The following TPST2 variants were observed in gnomAD, a reference collection of about 807,000 sequenced individuals.
The protein encoded by TPST2 is protein-tyrosine sulfotransferase 2.
Under a neutral mutation model 27.8 loss-of-function variants are expected in TPST2, and 16 were observed. The ratio of observed to expected loss-of-function variants is 0.58; its 90% confidence interval spans 0.39 to 0.88. The LOEUF is 0.88. Ranked by LOEUF, TPST2 falls within the 40% of genes least tolerant of loss-of-function variation. TPST2 has a pLI of 0.00. For missense variants in TPST2, 464 were observed against 543.1 expected (o/e 0.85, Z 1.45); for synonymous variants, 229 against 231.7 (o/e 0.99, Z 0.10).
chr22:26,574,207 CT>C (rs2057267578), intron 1 of TPST2, among the ~76,000 whole-genome samples: 1 of 152,172 alleles, frequency 6.6e-6, no homozygotes, highest in South Asian at 2.1e-4. Context: ...GTTTCCTTAT[CT>C]GTAAAATGGG....
At chr22:26,543,878 A>G (rs1925987561) in intron 2 of TPST2, among the ~76,000 whole-genome samples, 1 of 152,196 alleles carries the variant, frequency 6.6e-6, no homozygotes, top group African/African-American at 2.4e-5. Flanking sequence ...GCAGCCTGGA[A>G]CCCACAAAGC....
chr22:26,524,561 A>G lies in TPST2; in HGVS notation c.*1714T>C, dbSNP rs897207707. ...AAGTTTTAACTTCCCCATTTTACAG[A>G]TGAAGAGACAAAGTCTCAAGCCATA... is the stretch of plus-strand genomic sequence containing the variant. On this transcript the variant is annotated 3_prime_UTR_variant, in exon 7 of 7. Coordinates refer to ENST00000338754, the MANE Select transcript of TPST2 (RefSeq NM_003595.5). 1 of 152,232 alleles carries G rather than the reference A, an allele frequency of 6.6e-6. No homozygotes were observed. The highest frequency in any genetic ancestry group is 1.5e-5 in the Non-Finnish European group (1 of 68,074). The allele number at this position is 152,232 out of a possible 1,614,324, so 9.4% of individuals were successfully genotyped here.
intron 1 of TPST2, among the ~76,000 whole-genome samples, chr22:26,546,964 G>A (rs1217964357): frequency 6.6e-6 from 1 of 152,208 alleles, no homozygotes; most frequent in African/African-American, 2.4e-5. Context: ...TTTACTATCT[G>A]GACATTTATA....
Position 26,552,510 on chromosome 22 carries a change from TC to T in TPST2, c.-160-7836del, listed in dbSNP as rs1252243517. ...ATCTGATGCCAGAACCCAAACTGTTTCCCCAACTTTCGACGACCCTGCTTTA... is the reference window on the plus strand; with the variant it reads ...ATCTGATGCCAGAACCCAAACTGTTTCCCAACTTTCGACGACCCTGCTTTA... On this transcript the variant is annotated intron_variant, in intron 1 of 6. Transcript: ENST00000338754. Among the ~76,000 whole-genome samples the T allele has an allele frequency of 2.6e-5, 4 of 152,152 alleles. No individual in the cohort carries two copies. In the East Asian group the frequency reaches 7.7e-4, roughly 29 times the overall value.
At chr22:26,588,579 T>G (rs184139081) in intron 1 of TPST2, among the ~76,000 whole-genome samples, 3 of 152,172 alleles carry the variant, frequency 2.0e-5, no homozygotes, top group African/African-American at 7.2e-5. Flanking sequence ...AAAGTTTGCA[T>G]GAGATTTTTA....
chr22:26,578,214 A>G (rs1227121270), intron 1 of TPST2, among the ~76,000 whole-genome samples: 1 of 152,144 alleles, frequency 6.6e-6, no homozygotes, highest in Non-Finnish European at 1.5e-5. Context: ...ATTCCATTTT[A>G]CAGCTGAGGA....
intron 1 of TPST2, among the ~76,000 whole-genome samples, chr22:26,575,518 C>T (rs1301778051): frequency 3.3e-5 from 5 of 152,208 alleles, no homozygotes; most frequent in Non-Finnish European, 7.3e-5. Flanking sequence ...TATACCTCCC[C>T]TTGTGTCCAT....
intron 1 of TPST2, among the ~76,000 whole-genome samples, chr22:26,571,884 A>G (rs1466126326): frequency 1.3e-5 from 2 of 152,028 alleles, no homozygotes; most frequent in African/African-American, 4.8e-5. Flanking sequence ...GTTTCTCTCC[A>G]TCACCAGCAG....
intron 1 of TPST2, among the ~76,000 whole-genome samples, chr22:26,577,784 G>C (rs1927916178): frequency 6.7e-6 from 1 of 149,720 alleles, no homozygotes; most frequent in African/African-American, 2.5e-5. Context: ...TCAGCCTCCT[G>C]AGTAGCTGGG....
intron 1 of TPST2, among the ~76,000 whole-genome samples, chr22:26,578,045 A>G (rs1404075601): frequency 1.3e-5 from 2 of 152,162 alleles, no homozygotes; most frequent in Non-Finnish European, 2.9e-5. Context: ...AGTAAACATC[A>G]AAATGTATTA....
intron 1 of TPST2, among the ~76,000 whole-genome samples, chr22:26,587,191 C>T (rs914439374): frequency 1.1e-4 from 16 of 152,172 alleles, no homozygotes; most frequent in Admixed American, 2.0e-4. Flanking sequence ...TCTCCCTGGC[C>T]TCCACAAAGC....
intron 1 of TPST2, among the ~76,000 whole-genome samples, chr22:26,557,069 G>C (rs891150135): frequency 6.6e-6 from 1 of 152,226 alleles, no homozygotes; most frequent in African/African-American, 2.4e-5. Context: ...AAGTAGGTAG[G>C]AGATGGCAAC....
At chr22:26,555,642 G>A (rs8141834) in intron 1 of TPST2, among the ~76,000 whole-genome samples, 71 of 152,324 alleles carry the variant, frequency 4.7e-4, no homozygotes, top group African/African-American at 1.3e-3. Flanking sequence ...CCATTGAGCC[G>A]GCAGACAATC....
rs527468238 is a variant in TPST2 at position 26,523,019 on chromosome 22, G to A, written c.*3256C>T. 6.6e-6 allele frequency: 1 copy of A among 151,948 alleles called. No homozygotes were observed. Among genetic ancestry groups the A allele is most frequent in the Non-Finnish European group, 1.5e-5 (1 of 68,016 alleles). The allele number at this position is 151,948 out of a possible 1,614,324, so 9.4% of individuals were successfully genotyped here. Reference sequence around the variant, plus strand: ...GAGGTTGCAGTGAGCTGTGTTTGCAGGAGTTAGAGGTTGCAGTGAGCTGTG... The same window carrying A: ...GAGGTTGCAGTGAGCTGTGTTTGCAAGAGTTAGAGGTTGCAGTGAGCTGTG... On this transcript the variant is annotated 3_prime_UTR_variant, in exon 7 of 7. Transcript: ENST00000338754.
chr22:26,539,865 A>G (rs1279876431), intron 3 of TPST2, among the ~76,000 whole-genome samples: 3 of 152,212 alleles, frequency 2.0e-5, no homozygotes, highest in African/African-American at 7.2e-5. Flanking sequence ...TGAGGCCAGT[A>G]ACTTCTCCTC....
At chr22:26,577,246 C>A (rs1488419307) in intron 1 of TPST2, among the ~76,000 whole-genome samples, 2 of 137,922 alleles carry the variant, frequency 1.5e-5, no homozygotes, top group African/African-American at 5.4e-5. Context: ...GCCTGGGTGA[C>A]AGGGCAAAAC....
chr22:26,541,257 T>G lies in TPST2; in HGVS notation c.374A>C (p.Glu125Ala). The G allele has an allele frequency of 6.5e-7, 1 of 1,540,972 alleles. No individual in the cohort carries two copies. The highest frequency in any genetic ancestry group is 8.8e-7 in the Non-Finnish European group (1 of 1,142,120). The change falls in exon 3 of 7, where the codon GAG (glutamate) becomes GCG (alanine). Residue 125 changes from glutamate to alanine, a missense_variant. Transcript: ENST00000338754. This position sits in a 1 kb window ranked among gnomAD's most constrained non-coding sequence, Gnocchi z 5.9. The part of the protein sequence containing the change: ...KSGREKLRLD[E>A]AGVTDEVLDA... The stretch of plus-strand genomic sequence containing the variant: ...CAGCACCTCATCCGTCACCCCCGCC[T>G]CATCCAGCCGCAGCTTCTCACGGCC...
chr22:26,581,306 C>T (rs570028101), intron 1 of TPST2, among the ~76,000 whole-genome samples: 9 of 152,308 alleles, frequency 5.9e-5, no homozygotes, highest in African/African-American at 1.7e-4. Flanking sequence ...TCTGGTGTTG[C>T]TTCCCTGCCA....
chr22:26,556,928 A>G (rs908462327), intron 1 of TPST2, among the ~76,000 whole-genome samples: 2 of 152,254 alleles, frequency 1.3e-5, no homozygotes, highest in African/African-American at 4.8e-5. Flanking sequence ...TATTTTAAGA[A>G]GTAAAAGTGG....
Sources: gnomAD v4.1 joint callset for allele counts (sites outside exome capture counted in the v4.1 genomes callset) on GRCh38, gnomAD v4.1.1 for gene constraint, Gnocchi (gnomAD v3.1) non-coding constraint, MANE v1.5 for transcripts, NCBI Gene and HGNC (gene_info 2026-07-23, HGNC 2026-07-21) for gene names.